FRAS1: variants seen among roughly 807,000 people sequenced by gnomAD.
The protein encoded by FRAS1 is Fraser extracellular matrix complex subunit 1.
Under a neutral mutation model 435.2 loss-of-function variants are expected in FRAS1, and 290 were observed. The observed-to-expected ratio is 0.67, with a 90% CI of 0.61 to 0.73. The LOEUF is 0.73. FRAS1 is among the 30% of genes least tolerant of loss of function. FRAS1 has a pLI of 0.00. For missense variants in FRAS1, 4,860 were observed against 5,001.5 expected, an observed-to-expected ratio of 0.97 and a Z score of 0.85; for synonymous variants, 1,800 against 1,851.0, an observed-to-expected ratio of 0.97 and a Z score of 0.71.
chr4:78,419,427 G>C (rs1229235540), intron 33 of FRAS1, among the ~76,000 whole-genome samples: 3 of 152,166 alleles, frequency 2.0e-5, no homozygotes, highest in Admixed American at 2.0e-4. Context: ...ACAGGAGAAA[G>C]GACAAAAATG....
chr4:78,238,318 C>T (rs1018728207), intron 3 of FRAS1, among the ~76,000 whole-genome samples: 1 of 109,084 alleles, frequency 9.2e-6, no homozygotes, highest in Admixed American at 1.1e-4. Context: ...TTTCTAGTTG[C>T]TGACTCTTTT....
Position 78,451,829 on chromosome 4 carries a change from T to A in FRAS1, c.6521T>A (p.Phe2174Tyr). 6.2e-7 allele frequency: 1 copy of A among 1,613,064 alleles called. No individual in the cohort carries two copies. The highest frequency in any genetic ancestry group is 8.5e-7 in the Non-Finnish European group (1 of 1,179,248). Residue 2174 changes from phenylalanine (F) to tyrosine (Y), a missense_variant, in exon 46 of 74, where the codon TTT becomes TAT. Transcript: ENST00000512123. ...GEPGGSFAFKFDVVDGEGNRL... is the reference protein window; with the variant it reads ...GEPGGSFAFKYDVVDGEGNRL... ...CCTGGAGGGAGCTTTGCTTTTAAAT[T>A]TGATGTGGTTGATGGAGAAGGCAAC...
chr4:78,429,623 A>G (rs1215932085), intron 36 of FRAS1, among the ~76,000 whole-genome samples: 1 of 152,246 alleles, frequency 6.6e-6, no homozygotes, highest in African/African-American at 2.4e-5. Flanking sequence ...GAAGTTGTGA[A>G]GAACTAGAGT....
intron 30 of FRAS1, among the ~76,000 whole-genome samples, chr4:78,401,952 A>G (rs6846299): frequency 0.24 from 35,732 of 150,602 alleles, 4,636 homozygotes; most frequent in Admixed American, 0.3. Context: ...GAAGAAACCA[A>G]TGAAGCTCAG....
chr4:78,378,682 T>A (rs1180962310), intron 26 of FRAS1, among the ~76,000 whole-genome samples: 2 of 152,048 alleles, frequency 1.3e-5, no homozygotes, highest in Non-Finnish European at 2.9e-5. Context: ...TTTGAAGAAA[T>A]GCCTATTCAA....
chr4:78,233,845 A>C (rs1724616656), intron 2 of FRAS1, among the ~76,000 whole-genome samples: 1 of 152,228 alleles, frequency 6.6e-6, no homozygotes, highest in South Asian at 2.1e-4. Context: ...CAACTGGTTC[A>C]ATCTCACTCA....
intron 2 of FRAS1, among the ~76,000 whole-genome samples, chr4:78,141,672 T>C (rs1470599272): frequency 6.6e-6 from 1 of 152,268 alleles, no homozygotes; most frequent in East Asian, 1.9e-4. Flanking sequence ...TCAAAAAAGA[T>C]ACTTGCACAC....
intron 4 of FRAS1, among the ~76,000 whole-genome samples, chr4:78,245,895 G>C (rs567996519): frequency 6.6e-6 from 1 of 152,070 alleles, no homozygotes. Flanking sequence ...CTGCATCCCT[G>C]GTCTTTTCCC....
At chr4:78,461,135 G>A (rs1283542513) in intron 47 of FRAS1, among the ~76,000 whole-genome samples, 1 of 152,104 alleles carries the variant, frequency 6.6e-6, no homozygotes, top group African/African-American at 2.4e-5. Context: ...CAAGAAAGAG[G>A]ATATAGCCAA....
intron 20 of FRAS1, among the ~76,000 whole-genome samples, chr4:78,360,127 G>C (rs1578272529): frequency 6.6e-6 from 1 of 152,324 alleles, no homozygotes; most frequent in South Asian, 2.1e-4. Context: ...GGCACAGAAA[G>C]AGAACCCAGC....
intron 2 of FRAS1, among the ~76,000 whole-genome samples, chr4:78,142,907 A>G (rs922965580): frequency 1.3e-5 from 2 of 152,150 alleles, no homozygotes; most frequent in African/African-American, 4.8e-5. Flanking sequence ...GGGGGAAAAT[A>G]GAATAATAAA....
intron 18 of FRAS1, among the ~76,000 whole-genome samples, chr4:78,330,584 G>GT (rs1729906911): frequency 7.2e-6 from 1 of 139,646 alleles, no homozygotes; most frequent in African/African-American, 3.2e-5. Context: ...ATGCGCGCCT[G>GT]GGGGGTCTCT....
chr4:78,178,683 C>G (rs1721875477), intron 2 of FRAS1, among the ~76,000 whole-genome samples: 1 of 152,122 alleles, frequency 6.6e-6, no homozygotes, highest in South Asian at 2.1e-4. Context: ...TGCTTGAGAG[C>G]CCTTGTGCTG....
In FRAS1 at chr4:78,240,623, T is replaced by A. The variant is rs184108906; in HGVS notation, c.216+3006T>A. Among the ~76,000 whole-genome samples the A allele has an allele frequency of 9.8e-5, 15 of 152,292 alleles. No homozygotes were observed. In the East Asian group the frequency reaches 2.7e-3, roughly 27 times the overall value. ...CAGGTGGATATGTCAGAATGGTAGC[T>A]GGATATGTAAGTCTAAGGCTCAGAG... On this transcript the variant is annotated intron_variant, in intron 3 of 73. Coordinates refer to ENST00000512123, the MANE Select transcript of FRAS1 (RefSeq NM_025074.7).
intron 2 of FRAS1, among the ~76,000 whole-genome samples, chr4:78,187,914 T>C (rs776724372): frequency 5.9e-5 from 9 of 152,282 alleles, no homozygotes; most frequent in Admixed American, 3.9e-4. Context: ...CTGTTGCTAT[T>C]CTTAAAGACA....
intron 2 of FRAS1, among the ~76,000 whole-genome samples, chr4:78,133,999 G>A (rs548494199): frequency 8.3e-5 from 12 of 143,960 alleles, no homozygotes; most frequent in South Asian, 6.8e-4. Context: ...TCGCACTGTC[G>A]CCCAGGCTGG....
intron 34 of FRAS1, among the ~76,000 whole-genome samples, chr4:78,423,940 G>GT (rs1733899902): frequency 6.6e-6 from 1 of 152,196 alleles, no homozygotes; most frequent in African/African-American, 2.4e-5. Flanking sequence ...GTCCTATGCT[G>GT]TATTATCTAT....
At chr4:78,375,663 T>A in intron 25 of FRAS1, 76 bp from the exon 26 acceptor site, 1 of 1,311,904 alleles carries the variant, frequency 7.6e-7, no homozygotes. Flanking sequence ...CTGACTCTTC[T>A]GGTTGCAAGC....
chr4:78,060,924 G>T (rs999820997), intron 1 of FRAS1, among the ~76,000 whole-genome samples: 1 of 151,738 alleles, frequency 6.6e-6, no homozygotes, highest in African/African-American at 2.4e-5. Flanking sequence ...TCAGCTCATT[G>T]CTGCCTCTGC....
Sources: allele counts gnomAD v4.1 joint callset (sites outside exome capture counted in the v4.1 genomes callset), GRCh38; gene constraint gnomAD v4.1.1; transcripts MANE v1.5; gene names NCBI Gene and HGNC (gene_info 2026-07-23, HGNC 2026-07-21).